The following ENOX2 variants were observed in gnomAD, a reference collection of about 807,000 sequenced individuals.
The protein encoded by ENOX2 is ecto-NOX disulfide-thiol exchanger 2.
In ENOX2, 36 loss-of-function variants were observed where a neutral mutation model predicts 45.0. The ratio of observed to expected loss-of-function variants is 0.80; its 90% CI spans 0.61 to 1.06. The LOEUF (loss-of-function observed/expected upper bound fraction) is 1.06, where lower values mean the gene tolerates loss of function less well. Among genes scored for constraint, ENOX2 ranks in the 50% least tolerant of loss-of-function variants. The pLI, the probability that ENOX2 is intolerant of heterozygous loss-of-function variation, is 0.00. For synonymous variants in ENOX2, 174 were observed against 152.3 expected, an observed-to-expected ratio of 1.14 and a Z score of -1.05; for missense variants, 423 against 462.5, an observed-to-expected ratio of 0.91 and a Z score of 0.78.
chrX:130,703,982 A>C (rs1466905526), intron 3 of ENOX2, among the ~76,000 whole-genome samples: 3 of 111,988 alleles, frequency 2.7e-5, no homozygotes, highest in African/African-American at 9.7e-5. Context: ...CAGGTAAATC[A>C]CTTGGCATGC....
intron 3 of ENOX2, among the ~76,000 whole-genome samples, chrX:130,723,562 A>G (rs902296693): frequency 5.3e-5 from 6 of 112,484 alleles, no homozygotes; most frequent in African/African-American, 1.9e-4. Flanking sequence ...CCATCAAAGG[A>G]GCAGAAGGAA....
Position 130,665,697 on chromosome X carries a change from G to T in ENOX2, c.960C>A (p.Asp320Glu), listed in dbSNP as rs754590913. 1 of 1,206,271 alleles carries T rather than the reference G, an allele frequency of 8.3e-7. No homozygotes were observed. Among genetic ancestry groups the T allele is most frequent in the Non-Finnish European group, 1.1e-6 (1 of 892,569 alleles). ...YHSASKQKAW[D>E]HFTKAQRKNI... is the part of the protein sequence containing the mutation. ...TCTTCCGCTGGGCTTTTGTGAAGTG[G>T]TCCCATGCCTTCTGCTTGGAGGCGG... Residue 320 changes from aspartate (D) to glutamate (E), a missense_variant, in exon 9 of 15, where the codon GAC becomes GAA. By Grantham distance (45) the Asp-to-Glu change is conservative. Coordinates refer to ENST00000394363, the MANE Select transcript of ENOX2 (RefSeq NM_006375.4).
chrX:130,830,246 C>T (rs1034634802), intron 2 of ENOX2, among the ~76,000 whole-genome samples: 4 of 111,810 alleles, frequency 3.6e-5, no homozygotes, highest in African/African-American at 1.3e-4. Context: ...ATGGGCTTCA[C>T]GTTCATTTAA....
intron 2 of ENOX2, among the ~76,000 whole-genome samples, chrX:130,896,798 A>T (rs2079063713): frequency 8.9e-6 from 1 of 111,919 alleles, no homozygotes; most frequent in African/African-American, 3.2e-5. Context: ...TTTTTGCACA[A>T]TGGGTATTAT....
chrX:130,895,393 T>A (rs1460145044), intron 2 of ENOX2, among the ~76,000 whole-genome samples: 2 of 111,942 alleles, frequency 1.8e-5, no homozygotes, highest in East Asian at 5.6e-4. Flanking sequence ...AGGAAACTCT[T>A]ATTAGCAGTT....
intron 3 of ENOX2, among the ~76,000 whole-genome samples, chrX:130,764,595 C>A (rs999554960): frequency 7.5e-4 from 82 of 109,255 alleles, no homozygotes; most frequent in African/African-American, 2.7e-3. Flanking sequence ...ATCCATCAAT[C>A]AATCATAGCT....
intron 2 of ENOX2, among the ~76,000 whole-genome samples, chrX:130,887,976 G>T (rs1022478083): frequency 1.8e-5 from 2 of 111,777 alleles, no homozygotes; most frequent in African/African-American, 6.5e-5. Flanking sequence ...TGGAAGCAAA[G>T]GAAGTATAAA....
intron 2 of ENOX2, among the ~76,000 whole-genome samples, chrX:130,881,069 T>C (rs1250772289): frequency 5.3e-5 from 6 of 112,284 alleles, no homozygotes; most frequent in Non-Finnish European, 1.1e-4. Flanking sequence ...GCACTGACGG[T>C]ACTACATCCA....
intron 2 of ENOX2, among the ~76,000 whole-genome samples, chrX:130,818,585 A>T (rs959215384): frequency 9.0e-6 from 1 of 111,709 alleles, no homozygotes; most frequent in African/African-American, 3.3e-5. Context: ...AGACCTCAGA[A>T]ATAATGCCAC....
intron 14 of ENOX2, 112 bp from the exon 15 acceptor site, chrX:130,625,557 C>A: frequency 1.3e-6 from 1 of 760,406 alleles, no homozygotes; most frequent in Non-Finnish European, 1.9e-6. Context: ...GCTGCAGGGG[C>A]GTTTAACCTC....
At chrX:130,806,373 A>G (rs1226326511) in intron 2 of ENOX2, among the ~76,000 whole-genome samples, 3 of 112,668 alleles carry the variant, frequency 2.7e-5, no homozygotes, top group African/African-American at 9.7e-5. Flanking sequence ...TACTAGCAGA[A>G]GTAATTAAAA....
At position 130,624,293 on chromosome X, in the gene ENOX2, T is replaced by C. The variant is rs946082441; in HGVS notation, c.*1021A>G. ...GAAAGCCTCACAAACCCTAGCTCATTATTTATTCATTGATTCATTACTATT... is the reference window on the plus strand; with the variant it reads ...GAAAGCCTCACAAACCCTAGCTCATCATTTATTCATTGATTCATTACTATT... On this transcript the variant is annotated 3_prime_UTR_variant, in exon 15 of 15. Coordinates refer to ENST00000394363, the MANE Select transcript of ENOX2 (RefSeq NM_006375.4). 1.4e-4 allele frequency: 16 copies of C among 112,860 alleles called. No individual in the cohort carries two copies. The highest frequency in any genetic ancestry group is 4.8e-4 in the African/African-American group (15 of 31,013). The allele number at this position is 112,860 out of a possible 1,213,427, so 9.3% of individuals were successfully genotyped here. A position where few individuals can be genotyped will look rare whatever the true frequency, so the allele number is the denominator to read the frequency against.
intron 2 of ENOX2, among the ~76,000 whole-genome samples, chrX:130,888,067 G>A (rs967301533): frequency 6.3e-5 from 7 of 111,885 alleles, no homozygotes; most frequent in Admixed American, 9.5e-5. Context: ...TTCATCCCTA[G>A]TCCCATTCCC....
intron 2 of ENOX2, among the ~76,000 whole-genome samples, chrX:130,789,731 G>A (rs2077015064): frequency 8.9e-6 from 1 of 112,417 alleles, no homozygotes; most frequent in Non-Finnish European, 1.9e-5. Flanking sequence ...GTTGGGAGAT[G>A]AGGGTCTCCA....
intron 4 of ENOX2, among the ~76,000 whole-genome samples, chrX:130,702,111 A>T (rs1218334950): frequency 8.9e-6 from 1 of 111,772 alleles, no homozygotes; most frequent in Non-Finnish European, 1.9e-5. Context: ...ATTATAACTT[A>T]TAAGGATTTA....
chrX:130,662,680 T>TA lies in ENOX2; in HGVS notation c.1014+2962dup, dbSNP rs771521377. On this transcript the variant is annotated intron_variant, in intron 9 of 14. Coordinates refer to ENST00000394363, the MANE Select transcript of ENOX2 (RefSeq NM_006375.4). ...GCTATCAAGTAAAAGTTTGCAGAGG[T>TA]AAAAAAAAACAAGGACAAAAATAAA... 2.7e-3 allele frequency among the ~76,000 whole-genome samples: 291 copies of TA among 108,701 alleles called. No individual in the cohort carries two copies. The Middle Eastern group carries it at 0.037, about 14-fold the overall frequency. The allele number at this position is 108,701 out of a possible 115,157, so 94.4% of individuals were successfully genotyped here. A position where few individuals can be genotyped will look rare whatever the true frequency, so the allele number is the denominator to read the frequency against.
intron 2 of ENOX2, among the ~76,000 whole-genome samples, chrX:130,809,343 C>T (rs1274641701): frequency 1.8e-5 from 2 of 112,200 alleles, no homozygotes; most frequent in African/African-American, 6.5e-5. Context: ...GCATTTATAA[C>T]ACTGTCATGA....
chrX:130,761,269 T>C (rs923412484), intron 3 of ENOX2, among the ~76,000 whole-genome samples: 2 of 111,838 alleles, frequency 1.8e-5, no homozygotes, highest in African/African-American at 6.5e-5. Flanking sequence ...ATAAGTTTGG[T>C]AGTATTCTCC....
chrX:130,633,052 G>C (rs2035823767), intron 12 of ENOX2, among the ~76,000 whole-genome samples: 2 of 112,022 alleles, frequency 1.8e-5, no homozygotes, highest in East Asian at 5.6e-4. Context: ...CCTTAAACCT[G>C]ACTTCAATTT....
Sources: allele counts gnomAD v4.1 joint callset (sites outside exome capture counted in the v4.1 genomes callset), GRCh38; gene constraint gnomAD v4.1.1; transcripts MANE v1.5; gene names NCBI Gene and HGNC (gene_info 2026-07-23, HGNC 2026-07-21).